PPP2R3A: variants seen among roughly 807,000 people sequenced by gnomAD.
The protein encoded by PPP2R3A is protein phosphatase 2 regulatory subunit B''alpha, also known as serine/threonine-protein phosphatase 2A regulatory subunit B'' subunit alpha.
PPP2R3A carries 80 observed loss-of-function variants against 106.9 expected under a neutral mutation model. The observed-to-expected ratio is 0.75, with a 90% CI of 0.62 to 0.90. The LOEUF (loss-of-function observed/expected upper bound fraction) is 0.90, where lower values mean the gene tolerates loss of function less well. Among genes scored for constraint, PPP2R3A ranks in the 40% least tolerant of loss-of-function variants. PPP2R3A has a pLI of 0.00. For missense variants in PPP2R3A, 1,386 were observed against 1,350.4 expected (o/e 1.03, Z -0.41); for synonymous variants, 483 against 468.3 (o/e 1.03, Z -0.41).
intron 13 of PPP2R3A, among the ~76,000 whole-genome samples, chr3:136,110,401 TAAAA>T (rs551761679): frequency 6.7e-6 from 1 of 149,646 alleles, no homozygotes; most frequent in Non-Finnish European, 1.5e-5. Context: ...AAAGTTTTAT[TAAAA>T]AAAAAATGCA....
At chr3:136,006,907 G>T (rs189669285) in intron 2 of PPP2R3A, among the ~76,000 whole-genome samples, 1 of 152,316 alleles carries the variant, frequency 6.6e-6, no homozygotes, top group Non-Finnish European at 1.5e-5. Flanking sequence ...GGAAATTGCA[G>T]ACTGCTCTGC....
chr3:136,129,813 A>G (rs1016885436), intron 13 of PPP2R3A, among the ~76,000 whole-genome samples: 3 of 152,182 alleles, frequency 2.0e-5, no homozygotes, highest in African/African-American at 4.8e-5. Flanking sequence ...AAGCTTATCC[A>G]CTATGATCAA....
chr3:136,090,453 G>T, intron 9 of PPP2R3A, 125 bp from the exon 10 acceptor site: 1 of 674,468 alleles, frequency 1.5e-6, no homozygotes, highest in Admixed American at 2.7e-5. Context: ...TGCCCTTTAT[G>T]AGGCATTTAG....
At chr3:136,142,351 T>G (rs1938912165) in intron 13 of PPP2R3A, among the ~76,000 whole-genome samples, 1 of 152,114 alleles carries the variant, frequency 6.6e-6, no homozygotes, top group Non-Finnish European at 1.5e-5. Flanking sequence ...TCTCCAGACA[T>G]GCCCAAATGT....
intron 6 of PPP2R3A, among the ~76,000 whole-genome samples, chr3:136,072,462 C>T (rs1032524907): frequency 3.9e-5 from 6 of 152,106 alleles, no homozygotes; most frequent in Non-Finnish European, 8.8e-5. Flanking sequence ...TGTGGTGGTG[C>T]ACACCTGTAG....
chr3:136,118,318 C>T (rs532577717), intron 13 of PPP2R3A, among the ~76,000 whole-genome samples: 7 of 152,188 alleles, frequency 4.6e-5, no homozygotes, highest in South Asian at 4.1e-4. Context: ...ATAACCAGCA[C>T]GAGACAAGGA....
At chr3:136,022,804 A>G (rs749039379) in intron 2 of PPP2R3A, 7 of 1,219,762 alleles carry the variant, frequency 5.7e-6, no homozygotes, top group South Asian at 4.0e-5. Flanking sequence ...ACAAGGAGCA[A>G]CAGGCCCACT....
chr3:136,049,189 T>C, intron 4 of PPP2R3A, 70 bp from the exon 5 acceptor site: 1 of 1,132,162 alleles, frequency 8.8e-7, no homozygotes, highest in East Asian at 2.4e-5. Flanking sequence ...CTGAAATTAC[T>C]AACTATTGAT....
At chr3:136,045,629 G>C (rs1021072072) in intron 4 of PPP2R3A, among the ~76,000 whole-genome samples, 2 of 152,162 alleles carry the variant, frequency 1.3e-5, no homozygotes, top group African/African-American at 4.8e-5. Flanking sequence ...AGTTCTCACT[G>C]CTATCTGCTG....
chr3:136,037,516 G>A lies in PPP2R3A; in HGVS notation c.2263-3343G>A, dbSNP rs79438247. On this transcript the variant is annotated intron_variant, in intron 3 of 13. Coordinates refer to ENST00000264977, the MANE Select transcript of PPP2R3A (RefSeq NM_002718.5). Reference sequence around the variant, plus strand: ...TCTTTTCTGAACCATACAAAGCCCCGCAGCTCCTGTCTTCTGGCTGACATA... The same window carrying A: ...TCTTTTCTGAACCATACAAAGCCCCACAGCTCCTGTCTTCTGGCTGACATA... Among the ~76,000 whole-genome samples, 65 of 152,284 alleles carry A rather than the reference G, an allele frequency of 4.3e-4. No homozygotes were observed. In the East Asian group the frequency reaches 0.012, roughly 28 times the overall value.
At chr3:136,124,629 G>GA (rs1233661730) in intron 13 of PPP2R3A, among the ~76,000 whole-genome samples, 4 of 151,120 alleles carry the variant, frequency 2.6e-5, no homozygotes, top group Non-Finnish European at 4.4e-5. Context: ...ACCAAAAATA[G>GA]AAAAAAGGAT....
At chr3:136,109,191 A>G (rs1937560115) in intron 13 of PPP2R3A, among the ~76,000 whole-genome samples, 1 of 152,210 alleles carries the variant, frequency 6.6e-6, no homozygotes, top group African/African-American at 2.4e-5. Context: ...CAGGGTCTCA[A>G]CAGATGCTCT....
intron 13 of PPP2R3A, among the ~76,000 whole-genome samples, chr3:136,108,685 A>G (rs1937552710): frequency 6.6e-6 from 1 of 151,828 alleles, no homozygotes; most frequent in East Asian, 1.9e-4. Flanking sequence ...GGATGAATAA[A>G]GGTTTATCAT....
At chr3:136,052,212 G>T (rs1276381903) in intron 5 of PPP2R3A, among the ~76,000 whole-genome samples, 1 of 152,120 alleles carries the variant, frequency 6.6e-6, no homozygotes, top group Admixed American at 6.5e-5. Context: ...TCTTGGCCTT[G>T]CTCTGACCCT....
rs1933088419 is a variant in PPP2R3A, at chr3:135,990,028, T to C, written c.-440-11031T>C. 3.3e-5 allele frequency among the ~76,000 whole-genome samples: 5 copies of C among 152,338 alleles called. No individual in the cohort carries two copies. In the South Asian group the frequency reaches 1.0e-3, roughly 32 times the overall value. ...ATTTCTCTGGTATCACTCTCACTTT[T>C]GTTTGTAGTGTGTCTTATTTCTACA... On this transcript the variant is annotated intron_variant, in intron 1 of 13. Transcript: ENST00000264977.
In PPP2R3A at chr3:136,009,291, G is replaced by A. The variant is rs143249301; in HGVS notation, c.1995+5798G>A. 3.0e-3 allele frequency among the ~76,000 whole-genome samples: 453 copies of A among 152,052 alleles called. 4 individuals are homozygous for A. Among genetic ancestry groups the A allele is most frequent in the African/African-American group, 0.01 (419 of 41,452 alleles). On this transcript the variant is annotated intron_variant, in intron 2 of 13. Transcript: ENST00000264977. ...ATTGCTGCTCTAGACTATTCTCCTG[G>A]CTGCCTCCCTGAAACCAGCCCCGCC...
Position 135,976,568 on chromosome 3 carries a change from CTT to C in PPP2R3A, c.-441+10720_-441+10721del, listed in dbSNP as rs368640103. Among the ~76,000 whole-genome samples the C allele has an allele frequency of 2.9e-4, 44 of 152,224 alleles. 1 individual carries two copies. The highest frequency in any genetic ancestry group is 9.6e-4 in the African/African-American group (40 of 41,520). On this transcript the variant is annotated intron_variant, in intron 1 of 13. Transcript: ENST00000264977. ...TTTATTTATGTTGTAGATAAATAAACTTAAATAAATAAACTCTAGGTAAATAA... is the reference window on the plus strand; with the variant it reads ...TTTATTTATGTTGTAGATAAATAAACAAATAAATAAACTCTAGGTAAATAA...
At chr3:136,113,439 G>T (rs1333028629) in intron 13 of PPP2R3A, among the ~76,000 whole-genome samples, 1 of 152,168 alleles carries the variant, frequency 6.6e-6, no homozygotes, top group Non-Finnish European at 1.5e-5. Flanking sequence ...GCATTAGATT[G>T]AAACTGGACC....
chr3:136,063,923 A>G (rs1195598526), intron 5 of PPP2R3A, among the ~76,000 whole-genome samples: 1 of 150,204 alleles, frequency 6.7e-6, no homozygotes, highest in Non-Finnish European at 1.5e-5. Flanking sequence ...CTGGGTATAT[A>G]CCCAAAGGAT....
Sources: gnomAD v4.1 joint callset for allele counts (sites outside exome capture counted in the v4.1 genomes callset) on GRCh38, gnomAD v4.1.1 for gene constraint, MANE v1.5 for transcripts, NCBI Gene and HGNC (gene_info 2026-07-23, HGNC 2026-07-21) for gene names.